NDUFAF7: variants seen among roughly 807,000 people sequenced by gnomAD.
NDUFAF7 encodes the protein protein arginine methyltransferase NDUFAF7, mitochondrial.
Under a neutral mutation model 47.2 loss-of-function variants are expected in NDUFAF7, and 48 were observed. The ratio of observed to expected loss-of-function variants is 1.02; its 90% confidence interval spans 0.81 to 1.29. The LOEUF (loss-of-function observed/expected upper bound fraction) is 1.29. Ranked by LOEUF, NDUFAF7 falls within the 50% of genes most tolerant of loss-of-function variation. NDUFAF7 has a pLI of 0.00. For missense variants in NDUFAF7, 635 were observed against 537.6 expected (o/e 1.18, Z -1.79); for synonymous variants, 217 against 190.0 (o/e 1.14, Z -1.17).
the NDUFAF7 span, chr2:37,269,690 G>C: frequency 3.1e-6 from 5 of 1,598,538 alleles, no homozygotes; most frequent in Non-Finnish European, 4.3e-6. Flanking sequence ...CTGATATCCT[G>C]GTAGGATAAA....
At chr2:37,244,580 C>T (rs1001832555) in intron 7 of NDUFAF7, among the ~76,000 whole-genome samples, 1 of 152,056 alleles carries the variant, frequency 6.6e-6, no homozygotes, top group Non-Finnish European at 1.5e-5. Flanking sequence ...ACAAAAAAAT[C>T]CCTGTACTTC....
At position 37,236,162 on chromosome 2, in the gene NDUFAF7, CA is replaced by C; in HGVS notation, c.286del (p.Ile96SerfsTer6). 6.2e-7 allele frequency: 1 copy of C among 1,609,976 alleles called. No homozygotes were observed. The highest frequency in any genetic ancestry group is 8.5e-7 in the Non-Finnish European group (1 of 1,176,480). ...GDFITSPEIS[Q>X]IFGELLGIWF... is the part of the protein sequence containing the mutation. ...TTTCATTACTTCACCTGAAATAAGTCAAATCTTTGGGGAGGTAATATACTAT... is the reference window on the plus strand; with the variant it reads ...TTTCATTACTTCACCTGAAATAAGTCAATCTTTGGGGAGGTAATATACTAT... On this transcript the variant is annotated frameshift_variant, in exon 3 of 10. Transcript: ENST00000002125. LOFTEE classifies it high-confidence loss of function.
At chr2:37,254,186 G>T, downstream of NDUFAF7, 2 of 1,572,204 alleles carry the variant, frequency 1.3e-6, no homozygotes, top group Non-Finnish European at 1.8e-6. Flanking sequence ...GCCAAAGAGA[G>T]ATTACATTTT....
intron 7 of NDUFAF7, 63 bp downstream of exon 7, chr2:37,244,036 G>A: frequency 1.5e-6 from 2 of 1,347,910 alleles, no homozygotes; most frequent in South Asian, 2.5e-5. Context: ...CTTATTTTCT[G>A]AGTTACTACT....
chr2:37,261,767 C>G, the NDUFAF7 span, among the ~76,000 whole-genome samples: 1 of 152,178 alleles, frequency 6.6e-6, no homozygotes. Flanking sequence ...GCAACAAGAG[C>G]AAAACTCTAT....
intron 4 of NDUFAF7, among the ~76,000 whole-genome samples, chr2:37,239,927 T>A (rs1162406516): frequency 1.3e-5 from 2 of 152,186 alleles, no homozygotes; most frequent in Non-Finnish European, 2.9e-5. Flanking sequence ...GCTTTGGAGA[T>A]AAGGTCATGT....
chr2:37,235,816 G>A (rs1014702540), intron 2 of NDUFAF7, among the ~76,000 whole-genome samples: 7 of 151,808 alleles, frequency 4.6e-5, no homozygotes, highest in African/African-American at 1.5e-4. Flanking sequence ...CACCATGCCC[G>A]GCTAATTTTT....
chr2:37,232,898 C>A (rs2540981), intron 2 of NDUFAF7, among the ~76,000 whole-genome samples: 4,272 of 152,244 alleles, frequency 0.028, 185 homozygotes, highest in African/African-American at 0.097. Context: ...TAGAATATTT[C>A]ATCTTTTGCT....
downstream of NDUFAF7, chr2:37,253,413 T>C: frequency 2.8e-6 from 4 of 1,437,070 alleles, no homozygotes; most frequent in Non-Finnish European, 2.8e-6. Flanking sequence ...ACCTGGTTTT[T>C]GTTTTGTGTT....
the NDUFAF7 span, among the ~76,000 whole-genome samples, chr2:37,266,365 G>T: frequency 6.6e-5 from 10 of 152,092 alleles, no homozygotes; most frequent in Non-Finnish European, 1.3e-4. Context: ...CCCTCTTGTT[G>T]CCCAGGCTGG....
At chr2:37,257,908 T>G (rs1437624671), downstream of NDUFAF7, among the ~76,000 whole-genome samples, 1 of 152,104 alleles carries the variant, frequency 6.6e-6, no homozygotes, top group East Asian at 1.9e-4. Context: ...ATGTTTAGAT[T>G]TGAAAACAGT....
downstream of NDUFAF7, chr2:37,254,215 G>C (rs770450325): frequency 6.2e-7 from 1 of 1,609,852 alleles, no homozygotes; most frequent in South Asian, 1.1e-5. Context: ...TGTAGCCAGG[G>C]ATGACTAAGA....
chr2:37,260,101 G>A, the NDUFAF7 span: 2 of 828,648 alleles, frequency 2.4e-6, no homozygotes, highest in Non-Finnish European at 3.7e-6. Context: ...GGAGGCAGAG[G>A]TTGCAGTGAG....
chr2:37,239,800 CAA>C (rs1216033245), intron 4 of NDUFAF7, among the ~76,000 whole-genome samples: 2 of 152,108 alleles, frequency 1.3e-5, no homozygotes, highest in African/African-American at 2.4e-5. Context: ...CAACATTAAA[CAA>C]TATGTATTTG....
chr2:37,232,060 A>G, intron 1 of NDUFAF7, 46 bp from the exon 2 acceptor site: 1 of 1,613,984 alleles, frequency 6.2e-7, no homozygotes, highest in Non-Finnish European at 8.5e-7. Flanking sequence ...GCGCTCGTGA[A>G]TGGTCAGATT....
chr2:37,260,303 G>A, the NDUFAF7 span: 1 of 1,608,998 alleles, frequency 6.2e-7, no homozygotes, highest in Non-Finnish European at 8.5e-7. Context: ...ATATCTCCAT[G>A]CAGCTTTTCC....
At chr2:37,232,038 C>G (rs968809275) in intron 1 of NDUFAF7, 68 bp from the exon 2 acceptor site, 4 of 1,612,868 alleles carry the variant, frequency 2.5e-6, no homozygotes, top group Non-Finnish European at 3.4e-6. Flanking sequence ...TTTGAAAACG[C>G]TCAGGCGGCT....
chr2:37,236,369 G>C (rs909168899), intron 3 of NDUFAF7, among the ~76,000 whole-genome samples, 193 bp downstream of exon 3: 3 of 152,096 alleles, frequency 2.0e-5, no homozygotes, highest in Admixed American at 1.3e-4. Flanking sequence ...TATTTGAAAA[G>C]TTTATACTCC....
chr2:37,234,332 T>G (rs1166262271), intron 2 of NDUFAF7, among the ~76,000 whole-genome samples: 1 of 152,192 alleles, frequency 6.6e-6, no homozygotes, highest in Non-Finnish European at 1.5e-5. Flanking sequence ...CCTCATATGA[T>G]CCGCCTGTCT....
Sources: allele counts gnomAD v4.1 joint callset (sites outside exome capture counted in the v4.1 genomes callset), GRCh38; gene constraint gnomAD v4.1.1; transcripts MANE v1.5; gene names NCBI Gene and HGNC (gene_info 2026-07-23, HGNC 2026-07-21).